TBC1D7: variants seen among roughly 807,000 people sequenced by gnomAD.
TBC1D7 encodes the protein TBC domain family 7.
In TBC1D7, 33 loss-of-function variants were observed where a neutral mutation model predicts 35.3. That is an observed-to-expected ratio of 0.93 (90% CI 0.71 to 1.25). TBC1D7 has a LOEUF of 1.25. TBC1D7 is among the 50% of genes most tolerant of loss of function. The pLI is 0.00. For synonymous variants in TBC1D7, 135 were observed against 129.5 expected, an observed-to-expected ratio of 1.04 and a Z score of -0.29; for missense variants, 362 against 365.3, an observed-to-expected ratio of 0.99 and a Z score of 0.07.
intron 1 of TBC1D7, chr6:13,327,648 T>G (rs979221390): frequency 6.6e-6 from 1 of 152,038 alleles, no homozygotes; most frequent in Non-Finnish European, 1.5e-5. Context: ...AAAGTCAGAG[T>G]TGAAGACGGA....
At position 13,325,126 on chromosome 6, in the gene TBC1D7, A is replaced by C; in HGVS notation, c.161T>G (p.Met54Arg). ...TFSQRFPLPS[M>R]YRALVWKVLL... ...CACCTTCCATACCAATGCACGGTACATGGACGGGAGAGGGAACCTCTGACT... is the reference window on the plus strand; with the variant it reads ...CACCTTCCATACCAATGCACGGTACCTGGACGGGAGAGGGAACCTCTGACT... Residue 54 changes from methionine to arginine, a missense_variant, in exon 3 of 8, where the codon ATG becomes AGG. Coordinates refer to ENST00000379300, the MANE Select transcript of TBC1D7 (RefSeq NM_016495.6). 6.2e-7 allele frequency: 1 copy of C among 1,613,908 alleles called. No individual in the cohort carries two copies. Among genetic ancestry groups the C allele is most frequent in the East Asian group, 2.2e-5 (1 of 44,868 alleles).
At chr6:13,328,164 T>C (rs956600500) in intron 1 of TBC1D7, 132 bp downstream of exon 1, 3 of 152,216 alleles carry the variant, frequency 2.0e-5, no homozygotes, top group Admixed American at 6.5e-5. Flanking sequence ...TGCACTACAA[T>C]GACAAAGGCG....
Position 13,328,520 on chromosome 6 carries a change from T to TGCCGCTGCCGCTGCC in TBC1D7, c.-234_-233insGGCAGCGGCAGCGGC, listed in dbSNP as rs1554196307. 44 of 158,038 alleles carry TGCCGCTGCCGCTGCC rather than the reference T, an allele frequency of 2.8e-4. No homozygotes were observed. The South Asian group carries it at 6.1e-3, about 22-fold the overall frequency. 9.8% of individuals were successfully genotyped at this position (158,038 alleles called of 1,614,324 possible). A position where few individuals can be genotyped will look rare whatever the true frequency, so the allele number is the denominator to read the frequency against. On this transcript the variant is annotated 5_prime_UTR_variant, in exon 1 of 8. Coordinates refer to ENST00000379300, the MANE Select transcript of TBC1D7 (RefSeq NM_016495.6). ...AACTCAGCGCCGCTGCCGCTGCCGCTGCCGCCGCCGCCGGACGTGACATCA... is the reference window on the plus strand; with the variant it reads ...AACTCAGCGCCGCTGCCGCTGCCGCTGCCGCTGCCGCTGCCGCCGCCGCCGCCGGACGTGACATCA...
At chr6:13,316,752 G>A in intron 4 of TBC1D7, 44 bp from the exon 5 acceptor site, 2 of 1,601,812 alleles carry the variant, frequency 1.2e-6, no homozygotes, top group South Asian at 2.2e-5. Flanking sequence ...CAGTGAAAGA[G>A]AGGAATACAT....
At chr6:13,317,886 C>A (rs987429045) in intron 4 of TBC1D7, among the ~76,000 whole-genome samples, 1 of 152,262 alleles carries the variant, frequency 6.6e-6, no homozygotes, top group African/African-American at 2.4e-5. Flanking sequence ...GTTCAAATAT[C>A]TGTCCCCTCC....
intron 2 of TBC1D7, 92 bp from the exon 3 acceptor site, chr6:13,325,266 T>A: frequency 1.1e-6 from 1 of 901,178 alleles, no homozygotes; most frequent in Non-Finnish European, 1.7e-6. Flanking sequence ...AAAGAATAGT[T>A]AAGACATTTC....
At chr6:13,319,853 T>C (rs1437407147) in intron 4 of TBC1D7, 3 of 152,086 alleles carry the variant, frequency 2.0e-5, no homozygotes, top group African/African-American at 4.8e-5. Flanking sequence ...TTTTAAAGTG[T>C]CTCCCCACAA....
intron 5 of TBC1D7, among the ~76,000 whole-genome samples, chr6:13,316,021 A>T (rs1783582664): frequency 6.6e-6 from 1 of 152,200 alleles, no homozygotes; most frequent in Admixed American, 6.5e-5. Flanking sequence ...CACAGACGTC[A>T]TGGCCGCTGG....
chr6:13,318,412 C>A (rs992531049), intron 4 of TBC1D7, among the ~76,000 whole-genome samples: 2 of 152,056 alleles, frequency 1.3e-5, no homozygotes, highest in African/African-American at 4.8e-5. Flanking sequence ...TGAGGCGGAA[C>A]CTATACCCTG....
chr6:13,324,220 C>G (rs373891168), intron 3 of TBC1D7, among the ~76,000 whole-genome samples: 1 of 151,976 alleles, frequency 6.6e-6, no homozygotes, highest in Admixed American at 6.6e-5. Flanking sequence ...CTCTGCCTCC[C>G]GGGTTCAAGC....
intron 4 of TBC1D7, chr6:13,320,420 G>A (rs1278256073): frequency 9.3e-6 from 3 of 322,540 alleles, no homozygotes; most frequent in Admixed American, 4.8e-5. Flanking sequence ...TGAGGTAATA[G>A]GGAATCCTGT....
At chr6:13,328,044 C>T (rs533237975) in intron 1 of TBC1D7, 1 of 152,262 alleles carries the variant, frequency 6.6e-6, no homozygotes, top group South Asian at 2.1e-4. Context: ...ATAAAAAAGT[C>T]AGCAGCATAA....
Position 13,316,731 on chromosome 6 carries a change from C to G in TBC1D7, c.382-23G>C, listed in dbSNP as rs188580193. 1.8e-5 allele frequency: 29 copies of G among 1,611,792 alleles called. No homozygotes were observed. The East Asian group carries it at 6.0e-4, about 33-fold the overall frequency. Reference sequence around the variant, plus strand: ...CTCCTGAAAGATTAATAATAAATCTCAAGAGGAAGGCAGTGAAAGAGAGGA... The same window carrying G: ...CTCCTGAAAGATTAATAATAAATCTGAAGAGGAAGGCAGTGAAAGAGAGGA... On this transcript the variant is annotated intron_variant, in intron 4 of 7. Coordinates refer to ENST00000379300, the MANE Select transcript of TBC1D7 (RefSeq NM_016495.6).
chr6:13,319,443 A>AG (rs1562168501), intron 4 of TBC1D7: 2 of 151,326 alleles, frequency 1.3e-5, no homozygotes, highest in Non-Finnish European at 2.9e-5. Flanking sequence ...CTGGTCAAAA[A>AG]GAGAAAAACT....
Position 13,306,531 on chromosome 6 carries a change from C to T in TBC1D7, c.666-4G>A, listed in dbSNP as rs757714673. ...ACTCACAACTTTATCCCAAACCCTA[C>T]AAAAATAAGGAGATATAATCAAATT... On this transcript the variant is annotated splice_region_variant and splice_polypyrimidine_tract_variant and intron_variant, in intron 6 of 7. Transcript: ENST00000379300. The T allele has an allele frequency of 4.1e-5, 65 of 1,579,774 alleles. No homozygotes were observed. The South Asian group carries it at 7.3e-4, about 18-fold the overall frequency.
At chr6:13,326,976 A>C in intron 1 of TBC1D7, 70 bp from the exon 2 acceptor site, 1 of 845,326 alleles carries the variant, frequency 1.2e-6, no homozygotes, top group Non-Finnish European at 1.9e-6. Context: ...AGAAACAAAG[A>C]GTCAAGAATT....
chr6:13,319,883 A>G (rs1584559203), intron 4 of TBC1D7: 1 of 152,252 alleles, frequency 6.6e-6, no homozygotes, highest in East Asian at 1.9e-4. Flanking sequence ...GCAATTACAA[A>G]GGGAAAAGTA....
At chr6:13,321,139 C>T in intron 3 of TBC1D7, 44 bp from the exon 4 acceptor site, 5 of 1,543,022 alleles carry the variant, frequency 3.2e-6, no homozygotes, top group South Asian at 1.2e-5. Flanking sequence ...AATACTGAGC[C>T]ATCACTCCAA....
At chr6:13,313,545 C>A (rs6919577) in intron 5 of TBC1D7, among the ~76,000 whole-genome samples, 3,315 of 137,742 alleles carry the variant, frequency 0.024, 138 homozygotes, top group African/African-American at 0.086. Flanking sequence ...CTCGTAGGTA[C>A]CAAGCCTAGA....
Sources: allele counts gnomAD v4.1 joint callset (sites outside exome capture counted in the v4.1 genomes callset), GRCh38; gene constraint gnomAD v4.1.1; transcripts MANE v1.5; gene names NCBI Gene and HGNC (gene_info 2026-07-23, HGNC 2026-07-21).